The following SLC12A3 variants were observed in gnomAD, a reference collection of about 807,000 sequenced individuals.
The protein encoded by SLC12A3 is Na-Cl cotransporter.
SLC12A3 carries 104 observed loss-of-function variants against 121.0 expected under a neutral mutation model. The ratio of observed to expected loss-of-function variants is 0.86; its 90% CI spans 0.73 to 1.01. The LOEUF is 1.01. SLC12A3 is among the 50% of genes least tolerant of loss of function. The pLI, the probability that SLC12A3 is intolerant of heterozygous loss-of-function variation, is 0.00. For missense variants in SLC12A3, 1,328 were observed against 1,356.3 expected (o/e 0.98, Z 0.33); for synonymous variants, 536 against 533.4 (o/e 1.00, Z -0.07).
chr16:56,886,827 G>T (rs2055319081), intron 16 of SLC12A3, 126 bp from the exon 17 acceptor site: 3 of 1,305,140 alleles, frequency 2.3e-6, no homozygotes, highest in Non-Finnish European at 3.2e-6. Context: ...CCTTATCTGG[G>T]CAAAAGAAAA....
At chr16:56,883,841 A>C (rs1372916365) in intron 13 of SLC12A3, among the ~76,000 whole-genome samples, 1 of 152,198 alleles carries the variant, frequency 6.6e-6, no homozygotes, top group Non-Finnish European at 1.5e-5. Flanking sequence ...TCCTGGTGAA[A>C]TGCCAGCCAA....
At chr16:56,902,868 G>A (rs1224773035) in intron 24 of SLC12A3, among the ~76,000 whole-genome samples, 3 of 152,116 alleles carry the variant, frequency 2.0e-5, no homozygotes, top group Non-Finnish European at 4.4e-5. Context: ...CTGTTAGGCC[G>A]GGCATGGTGG....
In SLC12A3 at chr16:56,913,816, C is replaced by T; in HGVS notation, c.*411C>T. 1 of 306,984 alleles carries T rather than the reference C, an allele frequency of 3.3e-6. No individual in the cohort carries two copies. Among genetic ancestry groups the T allele is most frequent in the Non-Finnish European group, 6.3e-6 (1 of 158,780 alleles). The allele number at this position is 306,984 out of a possible 1,614,324, so 19.0% of individuals were successfully genotyped here. A position where few individuals can be genotyped will look rare whatever the true frequency, so the allele number is the denominator to read the frequency against. On this transcript the variant is annotated 3_prime_UTR_variant, in exon 26 of 26. Coordinates refer to ENST00000563236, the MANE Select transcript of SLC12A3 (RefSeq NM_001126108.2). ...AAGTTCCTAAATCATGCCCTGCTTC[C>T]TCCAATAGGAGAATGGGAGCCTCAC... is the stretch of plus-strand genomic sequence containing the variant.
chr16:56,872,827 C>T, intron 8 of SLC12A3, 41 bp downstream of exon 8: 1 of 1,613,070 alleles, frequency 6.2e-7, no homozygotes, highest in South Asian at 1.1e-5. Context: ...TGGCACTGCA[C>T]AGGGGCTATG....
Position 56,888,040 on chromosome 16 carries a change from G to T in SLC12A3, c.2285+9G>T, listed in dbSNP as rs2055342871. On this transcript the variant is annotated intron_variant, in intron 18 of 25. Coordinates refer to ENST00000563236, the MANE Select transcript of SLC12A3 (RefSeq NM_001126108.2). ...TACATTGGCATCCTCCAGTGAGTCG[G>T]GGGAGAGGAAGGGGCTTGGGGTCTG... The T allele has an allele frequency of 3.1e-6, 5 of 1,598,016 alleles. No individual in the cohort carries two copies. Among genetic ancestry groups the T allele is most frequent in the African/African-American group, 1.3e-5 (1 of 74,496 alleles).
At chr16:56,901,103 A>G (rs1250743942) in intron 23 of SLC12A3, among the ~76,000 whole-genome samples, 1 of 152,008 alleles carries the variant, frequency 6.6e-6, no homozygotes, top group Non-Finnish European at 1.5e-5. Flanking sequence ...CCTTCTTGAG[A>G]CCGTTCCTTC....
chr16:56,893,589 G>A (rs891588142), intron 21 of SLC12A3, among the ~76,000 whole-genome samples: 16 of 152,232 alleles, frequency 1.1e-4, no homozygotes, highest in Non-Finnish European at 1.8e-4. Context: ...GATTAACTCC[G>A]CTTTATAAAT....
intron 22 of SLC12A3, among the ~76,000 whole-genome samples, chr16:56,895,544 T>C (rs1250741323): frequency 6.6e-6 from 1 of 150,430 alleles, no homozygotes; most frequent in Non-Finnish European, 1.5e-5. Context: ...AAAATTTATA[T>C]ATAATTTTTT....
At chr16:56,887,288 T>G (rs1301965708) in intron 17 of SLC12A3, among the ~76,000 whole-genome samples, 195 bp downstream of exon 17, 1 of 151,872 alleles carries the variant, frequency 6.6e-6, no homozygotes, top group Non-Finnish European at 1.5e-5. Context: ...TGCAATAACC[T>G]CCGCCTCCCG....
At position 56,886,492 on chromosome 16, in the gene SLC12A3, G is replaced by A; in HGVS notation, c.2037+17G>A. 1 of 1,596,256 alleles carries A rather than the reference G, an allele frequency of 6.3e-7. No individual in the cohort carries two copies. The highest frequency in any genetic ancestry group is 8.6e-7 in the Non-Finnish European group (1 of 1,164,246). ...GTGCTCATCGTGAGTGGCCCCTGGA[G>A]GGGCACAGGGGACCAGGCATGGTGG... On this transcript the variant is annotated intron_variant, in intron 16 of 25. Coordinates refer to ENST00000563236, the MANE Select transcript of SLC12A3 (RefSeq NM_001126108.2).
chr16:56,899,530 G>A lies in SLC12A3; in HGVS notation c.2634G>A (p.Ala878=). Residue 878 remains alanine, a splice_region_variant and synonymous_variant, in exon 23 of 26, where the codon GCG becomes GCA. Transcript: ENST00000563236. The part of the protein sequence containing the change: ...QINRMDQERK[A]IISLLSKFRL... ...AATAAACCCTCCATGTGTCCTCCAG[G>A]ATCATTTCTCTGCTGAGCAAGTTCC... 6.2e-7 allele frequency: 1 copy of A among 1,612,188 alleles called. No individual in the cohort carries two copies. The highest frequency in any genetic ancestry group is 8.5e-7 in the Non-Finnish European group (1 of 1,178,210).
intron 25 of SLC12A3, chr16:56,904,683 C>A: frequency 1.8e-6 from 1 of 544,082 alleles, no homozygotes; most frequent in East Asian, 3.3e-5. Context: ...GAGGGCCTCA[C>A]GTGTCCCAGG....
intron 24 of SLC12A3, among the ~76,000 whole-genome samples, chr16:56,902,888 G>C (rs2055558116): frequency 6.6e-6 from 1 of 152,138 alleles, no homozygotes; most frequent in Non-Finnish European, 1.5e-5. Context: ...GCTCACCCCT[G>C]TAATCCCAGC....
intron 8 of SLC12A3, among the ~76,000 whole-genome samples, chr16:56,873,366 CTT>C (rs1161312396): frequency 9.3e-6 from 1 of 107,428 alleles, no homozygotes; most frequent in Non-Finnish European, 1.9e-5. Flanking sequence ...TTCTGTTTCT[CTT>C]TCTTTCTTTT....
intron 8 of SLC12A3, among the ~76,000 whole-genome samples, chr16:56,875,032 T>C (rs949744190): frequency 6.6e-6 from 1 of 152,182 alleles, no homozygotes; most frequent in Non-Finnish European, 1.5e-5. Flanking sequence ...CTGGATTCCA[T>C]GCAGTCTCAT....
chr16:56,884,349 AATGTG>A, intron 14 of SLC12A3, 145 bp downstream of exon 14: 1 of 847,282 alleles, frequency 1.2e-6, no homozygotes, highest in Non-Finnish European at 1.9e-6. Context: ...TATCCCTCCC[AATGTG>A]GCAAGAAACC....
Position 56,913,530 on chromosome 16 carries a change from C to A in SLC12A3, c.*125C>A. ...ACTTTAAGTGGCAGCATCTGATGAT[C>A]TCACCGAAAAAGATGGTAGATTTCC... On this transcript the variant is annotated 3_prime_UTR_variant, in exon 26 of 26. Transcript: ENST00000563236. 1 of 1,005,748 alleles carries A rather than the reference C, an allele frequency of 9.9e-7. No homozygotes were observed. The highest frequency in any genetic ancestry group is 1.6e-6 in the Non-Finnish European group (1 of 630,450). 62.3% of individuals were successfully genotyped at this position (1,005,748 alleles called of 1,614,324 possible). A position where few individuals can be genotyped will look rare whatever the true frequency, so the allele number is the denominator to read the frequency against.
At chr16:56,891,656 G>A (rs1215886288) in intron 19 of SLC12A3, among the ~76,000 whole-genome samples, 1 of 152,230 alleles carries the variant, frequency 6.6e-6, no homozygotes, top group Non-Finnish European at 1.5e-5. Context: ...AGAAGCTGAC[G>A]CTCCAGAGGG....
Position 56,887,934 on chromosome 16 carries a change from C to A in SLC12A3, c.2188C>A (p.Leu730Ile), listed in dbSNP as rs1249420996. ...GVQILMQAAG[L>I]GRMKPNILVV... is the part of the protein sequence containing the mutation. ...CCCTATCCCCTGGCAGGCCGCAGGT[C>A]TCGGGAGAATGAAGCCCAACATTCT... Residue 730 changes from leucine to isoleucine, a missense_variant, in exon 18 of 26, where the codon CTC (leucine) becomes ATC (isoleucine). By Grantham distance (5) the Leu-to-Ile change is conservative (BLOSUM62 2). Transcript: ENST00000563236. 6.2e-7 allele frequency: 1 copy of A among 1,611,626 alleles called. No homozygotes were observed. Among genetic ancestry groups the A allele is most frequent in the Non-Finnish European group, 8.5e-7 (1 of 1,178,974 alleles).
Sources: allele counts gnomAD v4.1 joint callset (sites outside exome capture counted in the v4.1 genomes callset), GRCh38; gene constraint gnomAD v4.1.1; transcripts MANE v1.5; gene names NCBI Gene and HGNC (gene_info 2026-07-23, HGNC 2026-07-21).